SLC43A2: variants seen among roughly 807,000 people sequenced by gnomAD.
SLC43A2 encodes solute carrier family 43 member 2.
Under a neutral mutation model 63.2 loss-of-function variants are expected in SLC43A2, and 38 were observed. The observed-to-expected ratio is 0.60, with a 90% CI of 0.46 to 0.79. SLC43A2 has a LOEUF of 0.79. SLC43A2 is among the 30% of genes least tolerant of loss of function. The pLI, the probability that SLC43A2 is intolerant of heterozygous loss-of-function variation, is 0.00. For synonymous variants in SLC43A2, 322 were observed against 331.0 expected (o/e 0.97, Z 0.30); for missense variants, 644 against 756.2 (o/e 0.85, Z 1.74).
chr17:1,623,085 G>A (rs959651552), intron 2 of SLC43A2, among the ~76,000 whole-genome samples: 3 of 152,158 alleles, frequency 2.0e-5, no homozygotes, highest in African/African-American at 7.2e-5. Flanking sequence ...CAGCCTGGGC[G>A]ACAAGAGTGA....
At chr17:1,584,612 G>C (rs1007219960) in intron 10 of SLC43A2, among the ~76,000 whole-genome samples, 1 of 152,140 alleles carries the variant, frequency 6.6e-6, no homozygotes, top group African/African-American at 2.4e-5. Context: ...AGGAGATCAA[G>C]ACCATCTTGT....
At chr17:1,591,225 G>A (rs966407516) in intron 8 of SLC43A2, 44 bp downstream of exon 8, 1 of 1,592,042 alleles carries the variant, frequency 6.3e-7, no homozygotes, top group Non-Finnish European at 8.5e-7. Context: ...GATACCCACA[G>A]AGCACTCCCT....
chr17:1,599,905 G>A (rs976152051), intron 5 of SLC43A2, among the ~76,000 whole-genome samples: 15 of 149,490 alleles, frequency 1.0e-4, no homozygotes, highest in Middle Eastern at 3.4e-3. Context: ...TTAGCTGGGC[G>A]TGGTGGCGGG....
intron 5 of SLC43A2, among the ~76,000 whole-genome samples, chr17:1,612,620 C>T (rs1386949636): frequency 2.0e-5 from 3 of 152,266 alleles, no homozygotes; most frequent in African/African-American, 7.2e-5. Flanking sequence ...CTGCCTCTGC[C>T]TTCCTTGGGC....
chr17:1,611,627 CAA>C (rs11377420), intron 5 of SLC43A2, among the ~76,000 whole-genome samples: 18 of 120,430 alleles, frequency 1.5e-4, no homozygotes, highest in Non-Finnish European at 1.1e-4. Context: ...CGAGCAGACT[CAA>C]AAAAAAAAAA....
At chr17:1,591,734 A>AGGGGGGGG (rs780559673) in intron 6 of SLC43A2, 35 bp from the exon 7 acceptor site, 13 of 295,338 alleles carry the variant, frequency 4.4e-5, no homozygotes, top group South Asian at 8.1e-5. Flanking sequence ...TGGGGGGGGG[A>AGGGGGGGG]GGGGGCAGAG....
chr17:1,602,867 T>G (rs1259425125), intron 5 of SLC43A2, among the ~76,000 whole-genome samples: 1 of 150,196 alleles, frequency 6.7e-6, no homozygotes, highest in Non-Finnish European at 1.5e-5. Flanking sequence ...CATGCGATTC[T>G]CCTGCCTCAG....
At chr17:1,594,884 A>G (rs76608232) in intron 5 of SLC43A2, among the ~76,000 whole-genome samples, 84,173 of 151,198 alleles carry the variant, frequency 0.56, 24,430 homozygotes, top group Admixed American at 0.65. Flanking sequence ...CACCGCGCCC[A>G]ACCTTTTTTT....
rs2075859313 is a variant in SLC43A2, at chr17:1,572,360, T to C, written c.*3244A>G. 6.6e-6 allele frequency: 1 copy of C among 150,782 alleles called. No homozygotes were observed. The highest frequency in any genetic ancestry group is 1.5e-5 in the Non-Finnish European group (1 of 67,874). The allele number at this position is 150,782 out of a possible 1,614,324, so 9.3% of individuals were successfully genotyped here. ...CTGCTCCGAGTGGAATGTCCTGGTC[T>C]AGAGGCCCTTGGCTGCTCCAGTGTC... On this transcript the variant is annotated 3_prime_UTR_variant, in exon 14 of 14. Coordinates refer to ENST00000301335, the MANE Select transcript of SLC43A2 (RefSeq NM_152346.3).
At chr17:1,592,605 A>C (rs1904925088) in intron 6 of SLC43A2, among the ~76,000 whole-genome samples, 1 of 151,900 alleles carries the variant, frequency 6.6e-6, no homozygotes, top group African/African-American at 2.4e-5. Context: ...CACACACACC[A>C]CCGAGGAAAG....
In SLC43A2 at chr17:1,583,857, A is replaced by G. The variant is rs753680707; in HGVS notation, c.1218-521T>C. Among the ~76,000 whole-genome samples the G allele has an allele frequency of 8.5e-5, 13 of 152,088 alleles. No individual in the cohort carries two copies. The highest frequency in any genetic ancestry group is 1.6e-4 in the Non-Finnish European group (11 of 68,014). On this transcript the variant is annotated intron_variant, in intron 10 of 13. Coordinates refer to ENST00000301335, the MANE Select transcript of SLC43A2 (RefSeq NM_152346.3). This position sits in a 1 kb window ranked among gnomAD's most constrained non-coding sequence, Gnocchi z 5.5. ...GGCTGCAGGACCTGACCTAGATAGC[A>G]CAGCACTGTTTTTTGTTTTGTTTTG...
Position 1,575,353 on chromosome 17 carries a change from G to GCCCCGGGT in SLC43A2, c.*243_*250dup, listed in dbSNP as rs547257138. The GCCCCGGGT allele has an allele frequency of 3.8e-5, 21 of 554,664 alleles. No homozygotes were observed. The Admixed American group carries it at 6.2e-4, about 16-fold the overall frequency. 34.4% of individuals were successfully genotyped at this position (554,664 alleles called of 1,614,324 possible). On this transcript the variant is annotated 3_prime_UTR_variant, in exon 14 of 14. Transcript: ENST00000301335. Reference sequence around the variant, plus strand: ...GCTGCAGGCACCACAGAGACCCCAGGCCCCGGGTCCCCGGGGGGCGGCAGA... The same window carrying GCCCCGGGT: ...GCTGCAGGCACCACAGAGACCCCAGGCCCCGGGTCCCCGGGTCCCCGGGGGGCGGCAGA...
At position 1,593,228 on chromosome 17, in the gene SLC43A2, C is replaced by T. The variant is rs760256572; in HGVS notation, c.553G>A (p.Gly185Arg). ...LRSTFIALMI[G>R]SYASSAVTFP... ...GTGACTGCCGAGGAGGCGTAGGACC[C>T]AATCATCAAGGCAATAAACGTGGAC... The change falls in exon 6 of 14, where the codon GGG (glycine) becomes AGG (arginine). Residue 185 changes from glycine (G) to arginine (R), a missense_variant. By Grantham distance (125) the Gly-to-Arg change is moderately radical. Coordinates refer to ENST00000301335, the MANE Select transcript of SLC43A2 (RefSeq NM_152346.3). This position sits in a 1 kb window ranked among gnomAD's most constrained non-coding sequence, Gnocchi z 5.3. 1 of 1,614,062 alleles carries T rather than the reference C, an allele frequency of 6.2e-7. No homozygotes were observed. The highest frequency in any genetic ancestry group is 1.7e-5 in the Admixed American group (1 of 60,012).
intron 2 of SLC43A2, among the ~76,000 whole-genome samples, chr17:1,622,481 C>G (rs964060837): frequency 6.6e-6 from 1 of 151,910 alleles, no homozygotes; most frequent in Admixed American, 6.6e-5. Context: ...AGGAGAATGG[C>G]GTGAACCCGG....
At chr17:1,620,283 G>A (rs1178000118) in intron 2 of SLC43A2, among the ~76,000 whole-genome samples, 1 of 152,244 alleles carries the variant, frequency 6.6e-6, no homozygotes, top group Non-Finnish European at 1.5e-5. Context: ...CAGGAGAATC[G>A]CTTGAACCCA....
rs374811535 is a variant in SLC43A2 at position 1,575,596 on chromosome 17, G to A, written c.*8C>T. The A allele has an allele frequency of 4.3e-5, 69 of 1,613,840 alleles. No individual in the cohort carries two copies. Among genetic ancestry groups the A allele is most frequent in the African/African-American group, 5.3e-5 (4 of 74,924 alleles). ...AGGCAGGAGACCGCAGTTCCGAGGCGGCAGCCACTACACGAAGGCCTCCTG... is the reference window on the plus strand; with the variant it reads ...AGGCAGGAGACCGCAGTTCCGAGGCAGCAGCCACTACACGAAGGCCTCCTG... On this transcript the variant is annotated 3_prime_UTR_variant, in exon 14 of 14. Transcript: ENST00000301335.
chr17:1,582,041 G>A (rs1027479551), intron 11 of SLC43A2, among the ~76,000 whole-genome samples: 30 of 150,042 alleles, frequency 2.0e-4, no homozygotes, highest in Non-Finnish European at 3.1e-4. Context: ...TCCTGACCTC[G>A]TGATCCACCT....
At chr17:1,601,023 T>C (rs1905959100) in intron 5 of SLC43A2, among the ~76,000 whole-genome samples, 1 of 151,770 alleles carries the variant, frequency 6.6e-6, no homozygotes, top group South Asian at 2.1e-4. Context: ...CTCCATAGGG[T>C]TGTTGTGGTA....
chr17:1,581,837 A>G (rs372354788), intron 11 of SLC43A2, among the ~76,000 whole-genome samples: 215 of 146,488 alleles, frequency 1.5e-3, no homozygotes, highest in African/African-American at 4.4e-3. Flanking sequence ...ACACAGCCTC[A>G]CTCTGTCGCC....
Sources: allele counts gnomAD v4.1 joint callset (sites outside exome capture counted in the v4.1 genomes callset), GRCh38; gene constraint gnomAD v4.1.1; non-coding constraint Gnocchi (gnomAD v3.1); transcripts MANE v1.5; gene names NCBI Gene and HGNC (gene_info 2026-07-23, HGNC 2026-07-21).